Variants in MAD2L1BP observed in about 807,000 individuals in gnomAD.
MAD2L1BP encodes MAD2L1 binding protein.
In MAD2L1BP, 22 loss-of-function variants were observed where a neutral mutation model predicts 28.4. The observed-to-expected ratio is 0.77, with a 90% CI of 0.55 to 1.10. The LOEUF is 1.10. Ranked by LOEUF, MAD2L1BP falls within the 50% of genes least tolerant of loss-of-function variation. The pLI, the probability that MAD2L1BP is intolerant of heterozygous loss-of-function variation, is 0.00. For synonymous variants in MAD2L1BP, 146 were observed against 133.7 expected, an observed-to-expected ratio of 1.09 and a Z score of -0.63; for missense variants, 325 against 350.5, an observed-to-expected ratio of 0.93 and a Z score of 0.58.
Position 43,640,408 on chromosome 6 carries a change from G to C in MAD2L1BP, c.700G>C (p.Val234Leu). Residue 234 changes from valine to leucine, a missense_variant, in exon 3 of 3, where the codon GTG (valine) becomes CTG (leucine). Transcript: ENST00000372171. ...GTTTCGACCCAAGCTCAACTATCGA[G>C]TGCCCAGCCGGGGCCATAAACTGAC... ...DWFRPKLNYR[V>L]PSRGHKLTVT... 6.2e-7 allele frequency: 1 copy of C among 1,613,914 alleles called. No individual in the cohort carries two copies. The highest frequency in any genetic ancestry group is 8.5e-7 in the Non-Finnish European group (1 of 1,180,012).
chr6:43,634,623 C>T (rs1024035989), upstream of MAD2L1BP, among the ~76,000 whole-genome samples: 2 of 151,834 alleles, frequency 1.3e-5, no homozygotes, highest in African/African-American at 4.8e-5. Flanking sequence ...TATAGTGGTG[C>T]GATCTCAGCT....
At chr6:43,637,249 G>A (rs989623197) in intron 2 of MAD2L1BP, among the ~76,000 whole-genome samples, 2 of 150,944 alleles carry the variant, frequency 1.3e-5, no homozygotes, top group African/African-American at 4.9e-5. Context: ...ATTTTTGGTA[G>A]AGACGGGGTT....
chr6:43,640,187 G>A lies in MAD2L1BP; in HGVS notation c.479G>A (p.Ser160Asn), dbSNP rs1561932045. The A allele has an allele frequency of 6.2e-7, 1 of 1,613,718 alleles. No individual in the cohort carries two copies. The highest frequency in any genetic ancestry group is 8.5e-7 in the Non-Finnish European group (1 of 1,179,878). ...VLILLGGNAL[S>N]PKEFYELDLS... ...ATTCTCCTTGGGGGCAATGCCCTAAGCCCCAAGGAGTTCTATGAACTCGAC... is the reference window on the plus strand; with the variant it reads ...ATTCTCCTTGGGGGCAATGCCCTAAACCCCAAGGAGTTCTATGAACTCGAC... The change falls in exon 3 of 3, where the codon AGC becomes AAC. Residue 160 changes from serine to asparagine, a missense_variant. Ser to Asn is a conservative substitution (Grantham distance 46). Coordinates refer to ENST00000372171, the MANE Select transcript of MAD2L1BP (RefSeq NM_014628.3).
upstream of MAD2L1BP, chr6:43,635,808 G>T (rs1770173768): frequency 2.5e-5 from 36 of 1,412,054 alleles, no homozygotes; most frequent in Non-Finnish European, 3.3e-5. Context: ...AAGTGGAGGC[G>T]CGGGCTTCCC....
chr6:43,630,834 G>A (rs1313979349), intron 1 of MAD2L1BP, among the ~76,000 whole-genome samples: 1 of 149,916 alleles, frequency 6.7e-6, no homozygotes, highest in African/African-American at 2.5e-5. Flanking sequence ...GCTTGAACTC[G>A]GGAGGTAGAG....
intron 1 of MAD2L1BP, among the ~76,000 whole-genome samples, chr6:43,630,730 G>A (rs1347798793): frequency 7.4e-5 from 11 of 148,936 alleles, no homozygotes; most frequent in African/African-American, 2.2e-4. Context: ...GCAACAGAGC[G>A]AGACTCCAAC....
At position 43,636,827 on chromosome 6, in the gene MAD2L1BP, T is replaced by G. The variant is rs1770253811; in HGVS notation, c.312+181T>G. 3 of 672,980 alleles carry G rather than the reference T, an allele frequency of 4.5e-6. No homozygotes were observed. The South Asian group carries it at 5.9e-5, about 13-fold the overall frequency. 41.7% of individuals were successfully genotyped at this position (672,980 alleles called of 1,614,324 possible). A position where few individuals can be genotyped will look rare whatever the true frequency, so the allele number is the denominator to read the frequency against. ...CTAACCCTTCTGGCTTTTTCAACTG[T>G]TCTTTCTTTCTGAAACTCACGTGTT... On this transcript the variant is annotated intron_variant, in intron 2 of 2. Transcript: ENST00000372171.
Position 43,636,403 on chromosome 6 carries a change from C to T in MAD2L1BP, c.69C>T (p.Ser23=), listed in dbSNP as rs1170561238. ...AVPDLEWYEK[S]EETHASQIEL... is the part of the protein sequence containing the mutation. ...CAGATTTGGAGTGGTATGAGAAGTCCGAAGAAACTCACGCCTCCCAGATAG... is the reference window on the plus strand; with the variant it reads ...CAGATTTGGAGTGGTATGAGAAGTCTGAAGAAACTCACGCCTCCCAGATAG... Residue 23 remains serine, a synonymous_variant, in exon 2 of 3, where the codon TCC becomes TCT. Transcript: ENST00000372171. The T allele has an allele frequency of 2.5e-6, 4 of 1,614,056 alleles. No homozygotes were observed. The highest frequency in any genetic ancestry group is 3.4e-6 in the Non-Finnish European group (4 of 1,180,016).
chr6:43,634,192 C>T (rs1449600117), upstream of MAD2L1BP, among the ~76,000 whole-genome samples: 1 of 150,886 alleles, frequency 6.6e-6, no homozygotes, highest in Non-Finnish European at 1.5e-5. Context: ...TTTAGTGTTT[C>T]CTCCATCCTT....
chr6:43,632,342 A>G (rs558518853), upstream of MAD2L1BP, among the ~76,000 whole-genome samples: 22 of 149,578 alleles, frequency 1.5e-4, no homozygotes, highest in African/African-American at 5.2e-4. Flanking sequence ...ACTCACTGCA[A>G]CCTCCAACCC....
rs1279355391 is a variant in MAD2L1BP at position 43,640,672 on chromosome 6, C to G, written c.*139C>G. ...CTCTCCTTCTGGTTGTCTGCCTCCCCTCAGATTTCCTGATAGGCTGATGGC... is the reference window on the plus strand; with the variant it reads ...CTCTCCTTCTGGTTGTCTGCCTCCCGTCAGATTTCCTGATAGGCTGATGGC... On this transcript the variant is annotated 3_prime_UTR_variant, in exon 3 of 3. Coordinates refer to ENST00000372171, the MANE Select transcript of MAD2L1BP (RefSeq NM_014628.3). The G allele has an allele frequency of 9.7e-6, 8 of 822,488 alleles. No homozygotes were observed. Among genetic ancestry groups the G allele is most frequent in the South Asian group, 3.9e-5 (2 of 51,740 alleles). The allele number at this position is 822,488 out of a possible 1,614,324, so 50.9% of individuals were successfully genotyped here. A position where few individuals can be genotyped will look rare whatever the true frequency, so the allele number is the denominator to read the frequency against.
chr6:43,637,923 A>T (rs577377230), intron 2 of MAD2L1BP, among the ~76,000 whole-genome samples: 1 of 144,394 alleles, frequency 6.9e-6, no homozygotes, highest in South Asian at 2.2e-4. Context: ...TTTGAGAAGG[A>T]GTCTCGCTCT....
Position 43,635,925 on chromosome 6 carries a change from A to G in MAD2L1BP, c.46+4A>G. 6.6e-7 allele frequency: 1 copy of G among 1,510,440 alleles called. No individual in the cohort carries two copies. The highest frequency in any genetic ancestry group is 8.8e-7 in the Non-Finnish European group (1 of 1,134,628). 93.6% of individuals were successfully genotyped at this position (1,510,440 alleles called of 1,614,324 possible). ...CTGTCCTCAGCCGCAGTCCCTGGTA[A>G]GGCGTGGGGCCAAGAGTTTGGGGAG... On this transcript the variant is annotated splice_donor_region_variant and intron_variant, in intron 1 of 2. Coordinates refer to ENST00000372171, the MANE Select transcript of MAD2L1BP (RefSeq NM_014628.3).
Position 43,640,565 on chromosome 6 carries a change from G to A in MAD2L1BP, c.*32G>A. 2 of 1,527,960 alleles carry A rather than the reference G, an allele frequency of 1.3e-6. No homozygotes were observed. Among genetic ancestry groups the A allele is most frequent in the Non-Finnish European group, 1.8e-6 (2 of 1,137,086 alleles). The allele number at this position is 1,527,960 out of a possible 1,614,324, so 94.7% of individuals were successfully genotyped here. A position where few individuals can be genotyped will look rare whatever the true frequency, so the allele number is the denominator to read the frequency against. ...GCTTCTTAATCCTAAAAACACAATGGCTGAATTATCTTTCTCCATGTGGCG... is the reference window on the plus strand; with the variant it reads ...GCTTCTTAATCCTAAAAACACAATGACTGAATTATCTTTCTCCATGTGGCG... On this transcript the variant is annotated 3_prime_UTR_variant, in exon 3 of 3. Coordinates refer to ENST00000372171, the MANE Select transcript of MAD2L1BP (RefSeq NM_014628.3).
upstream of MAD2L1BP, among the ~76,000 whole-genome samples, chr6:43,632,881 G>C (rs1183769620): frequency 6.6e-6 from 1 of 151,252 alleles, no homozygotes; most frequent in Non-Finnish European, 1.5e-5. Flanking sequence ...AATTAGCTGG[G>C]TGTGGTGGTG....
At chr6:43,629,938 A>T (rs1007477729) in intron 1 of MAD2L1BP, among the ~76,000 whole-genome samples, 1 of 152,252 alleles carries the variant, frequency 6.6e-6, no homozygotes, top group Non-Finnish European at 1.5e-5. Context: ...TGGCCCCGAC[A>T]CGAGACCCGA....
intron 1 of MAD2L1BP, among the ~76,000 whole-genome samples, chr6:43,636,158 C>A (rs528789829): frequency 6.6e-6 from 1 of 152,250 alleles, no homozygotes; most frequent in Admixed American, 6.5e-5. Context: ...GGGGAGCCCT[C>A]CGAAATCCCC....
intron 2 of MAD2L1BP, 168 bp downstream of exon 2, chr6:43,636,814 G>T (rs1770252678): frequency 1.3e-6 from 1 of 744,866 alleles, no homozygotes; most frequent in South Asian, 1.9e-5. Flanking sequence ...AACCCTTCTG[G>T]CTTTTTCAAC....
intron 2 of MAD2L1BP, among the ~76,000 whole-genome samples, chr6:43,637,152 T>C (rs1770274485): frequency 6.6e-6 from 1 of 151,702 alleles, no homozygotes; most frequent in Non-Finnish European, 1.5e-5. Flanking sequence ...GCAGCCTCCA[T>C]GTCCCAGGTT....
Sources: allele counts gnomAD v4.1 joint callset (sites outside exome capture counted in the v4.1 genomes callset), GRCh38; gene constraint gnomAD v4.1.1; transcripts MANE v1.5; gene names NCBI Gene and HGNC (gene_info 2026-07-23, HGNC 2026-07-21).